Variants in HDAC4 observed in about 807,000 individuals in gnomAD.
The protein encoded by HDAC4 is histone deacetylase 4.
Under a neutral mutation model 135.1 loss-of-function variants are expected in HDAC4, and 16 were observed. The observed-to-expected ratio is 0.12, with a 90% confidence interval of 0.08 to 0.18. The LOEUF (loss-of-function observed/expected upper bound fraction) is 0.18, where lower values mean the gene tolerates loss of function less well. HDAC4 is among the 10% of genes least tolerant of loss of function. The probability of loss-of-function intolerance (pLI) is 1.00; values close to 1 mark genes in which losing one functional copy is unlikely to be tolerated. For missense variants in HDAC4, 1,143 were observed against 1,511.8 expected (o/e 0.76, Z 4.05); for synonymous variants, 685 against 653.4 (o/e 1.05, Z -0.74).
At chr2:239,094,156 T>C in intron 17 of HDAC4, 5 of 985,462 alleles carry the variant, frequency 5.1e-6, no homozygotes, top group Non-Finnish European at 6.0e-6. Flanking sequence ...TAACCGTCTG[T>C]GGTGATTCGC....
chr2:239,358,395 C>T (rs1352779576), intron 1 of HDAC4, among the ~76,000 whole-genome samples: 1 of 152,216 alleles, frequency 6.6e-6, no homozygotes, highest in East Asian at 1.9e-4. Flanking sequence ...AGCCTCCAAT[C>T]CAGTCTTTTG....
chr2:239,270,544 G>A (rs1297405019), intron 2 of HDAC4, among the ~76,000 whole-genome samples: 1 of 152,086 alleles, frequency 6.6e-6, no homozygotes, highest in Non-Finnish European at 1.5e-5. Flanking sequence ...ATAGTCCGGG[G>A]GCTAAAAAAC....
In HDAC4 at chr2:239,052,323, A is replaced by G. The variant is rs996933083; in HGVS notation, c.*774T>C. 2 of 152,334 alleles carry G rather than the reference A, an allele frequency of 1.3e-5. No individual in the cohort carries two copies. Among genetic ancestry groups the G allele is most frequent in the African/African-American group, 4.8e-5 (2 of 41,532 alleles). The allele number at this position is 152,334 out of a possible 1,614,324, so 9.4% of individuals were successfully genotyped here. On this transcript the variant is annotated 3_prime_UTR_variant, in exon 27 of 27. Transcript: ENST00000543185. Reference sequence around the variant, plus strand: ...TGCCAGGCTCGGCTGGCCACAGGAAACTGTCCCACCGATTCCTGCTGTTTG... The same window carrying G: ...TGCCAGGCTCGGCTGGCCACAGGAAGCTGTCCCACCGATTCCTGCTGTTTG...
At chr2:239,218,340 C>A (rs1167648183) in intron 3 of HDAC4, among the ~76,000 whole-genome samples, 1 of 151,562 alleles carries the variant, frequency 6.6e-6, no homozygotes, top group Non-Finnish European at 1.5e-5. Context: ...TGATCTTTGA[C>A]AAACCTGAGA....
At chr2:239,269,069 A>G (rs1158333071) in intron 2 of HDAC4, among the ~76,000 whole-genome samples, 1 of 152,100 alleles carries the variant, frequency 6.6e-6, no homozygotes, top group African/African-American at 2.4e-5. Context: ...TGTGCACACT[A>G]AGACCTAATT....
chr2:239,064,847 C>T (rs935332217), intron 24 of HDAC4, among the ~76,000 whole-genome samples: 1 of 152,212 alleles, frequency 6.6e-6, no homozygotes, highest in African/African-American at 2.4e-5. Flanking sequence ...TGCGAGGTGC[C>T]CTGTGTGCTG....
intron 4 of HDAC4, among the ~76,000 whole-genome samples, chr2:239,177,280 A>G (rs1323782820): frequency 1.3e-5 from 2 of 152,262 alleles, no homozygotes; most frequent in East Asian, 3.8e-4. Context: ...TTGCAGCTCC[A>G]GATCCGCACA....
intron 11 of HDAC4, among the ~76,000 whole-genome samples, chr2:239,133,634 T>C (rs1293180603): frequency 6.6e-6 from 1 of 152,056 alleles, no homozygotes; most frequent in African/African-American, 2.4e-5. Context: ...GCCCAGCTAA[T>C]TTTTGTATTT....
In HDAC4 at chr2:239,166,526, C is replaced by G. The variant is rs146598585; in HGVS notation, c.491-2603G>C. Among the ~76,000 whole-genome samples the G allele has an allele frequency of 2.1e-4, 32 of 152,264 alleles. No individual in the cohort carries two copies. The East Asian group carries it at 6.2e-3, about 29-fold the overall frequency. On this transcript the variant is annotated intron_variant, in intron 5 of 26. Coordinates refer to ENST00000543185, the MANE Select transcript of HDAC4 (RefSeq NM_001378414.1). The stretch of plus-strand genomic sequence containing the variant: ...CAGGAGGGATGCTTTTTCAGGGCAC[C>G]CGGCGTTAGACTCGAACATCACTTA...
intron 2 of HDAC4, among the ~76,000 whole-genome samples, chr2:239,300,617 G>A (rs995301796): frequency 6.6e-6 from 1 of 151,930 alleles, no homozygotes; most frequent in African/African-American, 2.4e-5. Context: ...ACTTGACTCT[G>A]CTCCACCCAT....
intron 8 of HDAC4, among the ~76,000 whole-genome samples, chr2:239,142,112 G>A (rs111767682): frequency 2.1e-4 from 32 of 152,200 alleles, no homozygotes; most frequent in African/African-American, 6.0e-4. Flanking sequence ...CACGGGCTGC[G>A]GGAATGTGCA....
Position 239,299,348 on chromosome 2 carries a change from T to C in HDAC4, c.22+53330A>G, listed in dbSNP as rs147115010. On this transcript the variant is annotated intron_variant, in intron 2 of 26. Coordinates refer to ENST00000543185, the MANE Select transcript of HDAC4 (RefSeq NM_001378414.1). The surrounding 1 kb of genome is among the most constrained non-coding windows in gnomAD (Gnocchi z 4.0). ...CAAATGCCAAGTAGAGATATTTAAG[T>C]ACAGGGACAGAGCGTGGTGCAATGA... Among the ~76,000 whole-genome samples the C allele has an allele frequency of 2.4e-4, 37 of 152,276 alleles. No individual in the cohort carries two copies. The highest frequency in any genetic ancestry group is 8.4e-4 in the African/African-American group (35 of 41,548).
intron 1 of HDAC4, among the ~76,000 whole-genome samples, chr2:239,372,060 C>T (rs1041802387): frequency 2.6e-5 from 4 of 152,214 alleles, no homozygotes; most frequent in Admixed American, 2.0e-4. Flanking sequence ...CTCAAGGCCC[C>T]AGACTGCTGG....
At chr2:239,267,315 CCAGA>C (rs1296266290) in intron 2 of HDAC4, among the ~76,000 whole-genome samples, 1 of 152,182 alleles carries the variant, frequency 6.6e-6, no homozygotes, top group East Asian at 1.9e-4. Flanking sequence ...CCATATCACA[CCAGA>C]CAGACGGCCT....
In HDAC4 at chr2:239,081,134, T is replaced by G. The variant is rs951873058; in HGVS notation, c.2711A>C (p.Asp904Ala). The change falls in exon 22 of 27, where the codon GAC becomes GCC. Residue 904 changes from aspartate (D) to alanine (A), a missense_variant. Physicochemically the swap from Asp to Ala is moderately radical, Grantham distance 126. Around this residue, in one of 9 missense-constraint regions of HDAC4, gnomAD observed 189 missense variants for 317.6 expected, o/e 0.60. Coordinates refer to ENST00000543185, the MANE Select transcript of HDAC4 (RefSeq NM_001378414.1). Reference sequence around the variant, plus strand: ...GTACTCAGCGTCTCCCATGGGGGGGTCCAGGCCGCCGGTGAAAGCCATGTT... The same window carrying G: ...GTACTCAGCGTCTCCCATGGGGGGGGCCAGGCCGCCGGTGAAAGCCATGTT... ...NVNMAFTGGL[D>A]PPMGDAEYLA... 3 of 1,613,438 alleles carry G rather than the reference T, an allele frequency of 1.9e-6. No homozygotes were observed. The highest frequency in any genetic ancestry group is 2.5e-6 in the Non-Finnish European group (3 of 1,179,896).
At chr2:239,120,402 G>GACGCACACAGAC (rs2039553950) in intron 12 of HDAC4, among the ~76,000 whole-genome samples, 16 of 68,296 alleles carry the variant, frequency 2.3e-4, no homozygotes, top group East Asian at 1.2e-3. Context: ...GACGCACACA[G>GACGCACACAGAC]ACACACACAC....
intron 2 of HDAC4, among the ~76,000 whole-genome samples, chr2:239,246,427 G>C (rs990154328): frequency 6.6e-6 from 1 of 152,218 alleles, no homozygotes. Flanking sequence ...AATCAGTGTG[G>C]AAAAGGGGCT....
intron 2 of HDAC4, among the ~76,000 whole-genome samples, chr2:239,287,939 G>C (rs1233076228): frequency 6.6e-6 from 1 of 151,998 alleles, no homozygotes; most frequent in Non-Finnish European, 1.5e-5. Flanking sequence ...AACCATTAAA[G>C]ATGTTAAATC....
chr2:239,261,651 G>A (rs1326823076), intron 2 of HDAC4, among the ~76,000 whole-genome samples: 2 of 152,242 alleles, frequency 1.3e-5, no homozygotes, highest in East Asian at 3.9e-4. Flanking sequence ...CTAGAGACAA[G>A]GCTGGACAAG....
Sources: gnomAD v4.1 joint callset for allele counts (sites outside exome capture counted in the v4.1 genomes callset) on GRCh38, gnomAD v4.1.1 for gene constraint, gnomAD v4.1.1 regional missense constraint, Gnocchi (gnomAD v3.1) non-coding constraint, MANE v1.5 for transcripts, NCBI Gene and HGNC (gene_info 2026-07-23, HGNC 2026-07-21) for gene names.